The following RIMS4 variants were observed in gnomAD, a reference collection of about 807,000 sequenced individuals.
The protein encoded by RIMS4 is regulating synaptic membrane exocytosis protein 4.
In RIMS4, 9 loss-of-function variants were observed where a neutral mutation model predicts 29.0. The observed-to-expected ratio is 0.31, with a 90% CI of 0.19 to 0.54. RIMS4 has a LOEUF of 0.54. RIMS4 is among the 20% of genes least tolerant of loss of function. RIMS4 has a pLI of 0.94. For synonymous variants in RIMS4, 130 were observed against 152.9 expected, an observed-to-expected ratio of 0.85 and a Z score of 1.10; for missense variants, 193 against 365.7, an observed-to-expected ratio of 0.53 and a Z score of 3.85.
intron 1 of RIMS4, among the ~76,000 whole-genome samples, chr20:44,809,590 C>T (rs2066314075): frequency 6.6e-6 from 1 of 152,222 alleles, no homozygotes; most frequent in Non-Finnish European, 1.5e-5. Context: ...GTCACCTGGC[C>T]GGTTCCCCTC....
At chr20:44,788,321 G>A (rs988913546) in intron 1 of RIMS4, among the ~76,000 whole-genome samples, 8 of 152,226 alleles carry the variant, frequency 5.3e-5, no homozygotes, top group African/African-American at 1.9e-4. Context: ...AGTGGCTACA[G>A]TATCGCACAG....
At chr20:44,759,381 CCAAGTAGCTGGGAATA>C (rs1352535992) in intron 2 of RIMS4, among the ~76,000 whole-genome samples, 3 of 152,144 alleles carry the variant, frequency 2.0e-5, no homozygotes, top group African/African-American at 7.2e-5. Flanking sequence ...CCTCAGCCTC[CCAAGTAGCTGGGAATA>C]CAGACGTGTA....
rs533953850 is a variant in RIMS4 at position 44,768,799 on chromosome 20, A to G, written c.236+2476T>C. On this transcript the variant is annotated intron_variant, in intron 2 of 5. Coordinates refer to ENST00000372851, the MANE Select transcript of RIMS4 (RefSeq NM_182970.4). The stretch of plus-strand genomic sequence containing the variant: ...ACTCAGTGCTTACTCTGTGCTAAGC[A>G]CTTTATAGACACAACTGTATTTGGG... Among the ~76,000 whole-genome samples, 15 of 152,350 alleles carry G rather than the reference A, an allele frequency of 9.8e-5. No individual in the cohort carries two copies. In the East Asian group the frequency reaches 2.5e-3, roughly 25 times the overall value.
chr20:44,755,400 G>A lies in RIMS4; in HGVS notation c.*734C>T, dbSNP rs1400531629. 3 of 152,644 alleles carry A rather than the reference G, an allele frequency of 2.0e-5. No individual in the cohort carries two copies. The highest frequency in any genetic ancestry group is 1.9e-4 in the East Asian group (1 of 5,184). The allele number at this position is 152,644 out of a possible 1,614,324, so 9.5% of individuals were successfully genotyped here. On this transcript the variant is annotated 3_prime_UTR_variant, in exon 6 of 6. Transcript: ENST00000372851. ...ACAACATTCTTTCTAGTCCGCCAGCGGTTCCTAAACTAGCTTGTTGCAATC... is the reference window on the plus strand; with the variant it reads ...ACAACATTCTTTCTAGTCCGCCAGCAGTTCCTAAACTAGCTTGTTGCAATC...
intron 1 of RIMS4, among the ~76,000 whole-genome samples, chr20:44,803,672 A>G (rs1382803329): frequency 6.6e-6 from 1 of 151,906 alleles, no homozygotes; most frequent in Non-Finnish European, 1.5e-5. Flanking sequence ...GGAGGAAGGA[A>G]AAAAGGGGAG....
Position 44,794,247 on chromosome 20 carries a change from G to C in RIMS4, c.97+15928C>G, listed in dbSNP as rs1401795811. On this transcript the variant is annotated intron_variant, in intron 1 of 5. Transcript: ENST00000372851. ...AATCAACAGATGTACCAACCACTTG[G>C]GGGTGAGGTAGGCATGAAGCTTCTC... Among the ~76,000 whole-genome samples, 5 of 152,172 alleles carry C rather than the reference G, an allele frequency of 3.3e-5. No homozygotes were observed. In the South Asian group the frequency reaches 6.2e-4, roughly 19 times the overall value.
Position 44,751,877 on chromosome 20 carries a change from C to T in RIMS4, c.*4257G>A, listed in dbSNP as rs1029076191. ...ATGAACACAATGCAACGCGACCCCA[C>T]TCCAACCCAAGGGCCCCAGAAACCC... On this transcript the variant is annotated 3_prime_UTR_variant, in exon 6 of 6. Transcript: ENST00000372851. The T allele has an allele frequency of 1.3e-5, 2 of 152,246 alleles. No individual in the cohort carries two copies. The highest frequency in any genetic ancestry group is 4.8e-5 in the African/African-American group (2 of 41,454). The allele number at this position is 152,246 out of a possible 1,614,324, so 9.4% of individuals were successfully genotyped here.
intron 1 of RIMS4, among the ~76,000 whole-genome samples, chr20:44,785,016 T>C (rs941347971): frequency 1.3e-5 from 2 of 152,232 alleles, no homozygotes; most frequent in Non-Finnish European, 2.9e-5. Context: ...GTGAGGTCAA[T>C]GCTGCTGGTC....
chr20:44,778,270 A>T (rs1455929176), intron 1 of RIMS4, among the ~76,000 whole-genome samples: 2 of 152,154 alleles, frequency 1.3e-5, no homozygotes, highest in African/African-American at 4.8e-5. Flanking sequence ...CCTACCTTAA[A>T]ATAAGAGATG....
intron 1 of RIMS4, among the ~76,000 whole-genome samples, chr20:44,802,480 C>A (rs536192956): frequency 1.3e-5 from 2 of 152,238 alleles, no homozygotes; most frequent in African/African-American, 4.8e-5. Flanking sequence ...TCTGTCCGTC[C>A]ATGGAAGTTC....
At chr20:44,768,317 A>G (rs11907656) in intron 2 of RIMS4, among the ~76,000 whole-genome samples, 8,745 of 152,280 alleles carry the variant, frequency 0.057, 822 homozygotes, top group African/African-American at 0.2. Context: ...GCCTACCTGC[A>G]GGAATACATA....
At chr20:44,804,642 A>G (rs1284137207) in intron 1 of RIMS4, among the ~76,000 whole-genome samples, 1 of 152,126 alleles carries the variant, frequency 6.6e-6, no homozygotes, top group East Asian at 1.9e-4. Flanking sequence ...TCTCCTCCGC[A>G]TCTCTCCCTT....
chr20:44,770,932 A>G (rs2066134534), intron 2 of RIMS4, among the ~76,000 whole-genome samples: 1 of 152,232 alleles, frequency 6.6e-6, no homozygotes, highest in South Asian at 2.1e-4. Flanking sequence ...CCCCTGCATT[A>G]TATGGATTGT....
At chr20:44,799,304 G>GA (rs57151872) in intron 1 of RIMS4, among the ~76,000 whole-genome samples, 17,061 of 146,586 alleles carry the variant, frequency 0.12, 1,270 homozygotes, top group Middle Eastern at 0.21. Flanking sequence ...CTCCATCTCA[G>GA]AAAAAAAAAA....
intron 2 of RIMS4, among the ~76,000 whole-genome samples, chr20:44,767,963 T>C (rs1355311600): frequency 2.0e-5 from 3 of 152,284 alleles, no homozygotes; most frequent in Middle Eastern, 6.8e-3. Flanking sequence ...TTCTGCATAT[T>C]TAACAAGCTC....
rs1464673241 is a variant in RIMS4, at chr20:44,755,860, A to G, written c.*274T>C. ...GAGAGTGGTCTGCTCTGCCACCTCA[A>G]TCTTTCCTTTCTCTGGACTGCAGCC... On this transcript the variant is annotated 3_prime_UTR_variant, in exon 6 of 6. Coordinates refer to ENST00000372851, the MANE Select transcript of RIMS4 (RefSeq NM_182970.4). The G allele has an allele frequency of 2.1e-5, 9 of 434,646 alleles. No individual in the cohort carries two copies. In the Middle Eastern group the frequency reaches 1.9e-3, roughly 90 times the overall value. 26.9% of individuals were successfully genotyped at this position (434,646 alleles called of 1,614,324 possible).
chr20:44,789,649 T>C (rs1419537247), intron 1 of RIMS4, among the ~76,000 whole-genome samples: 1 of 152,182 alleles, frequency 6.6e-6, no homozygotes, highest in African/African-American at 2.4e-5. Flanking sequence ...CTTAAACTTC[T>C]GGGCTCAGCA....
chr20:44,806,915 T>C (rs2066301351), intron 1 of RIMS4, among the ~76,000 whole-genome samples: 1 of 152,244 alleles, frequency 6.6e-6, no homozygotes, highest in Admixed American at 6.5e-5. Context: ...TTAATATTTT[T>C]AAAATGCCTG....
At chr20:44,758,904 A>G (rs945413957) in intron 2 of RIMS4, among the ~76,000 whole-genome samples, 2 of 152,238 alleles carry the variant, frequency 1.3e-5, no homozygotes, top group Non-Finnish European at 2.9e-5. Context: ...TCAAAATGAC[A>G]GCATTGTGTG....
Sources: gnomAD v4.1 joint callset for allele counts (sites outside exome capture counted in the v4.1 genomes callset) on GRCh38, gnomAD v4.1.1 for gene constraint, MANE v1.5 for transcripts, NCBI Gene and HGNC (gene_info 2026-07-23, HGNC 2026-07-21) for gene names.